Variants in NEDD8 observed in about 807,000 individuals in gnomAD.
NEDD8 encodes the protein ubiquitin-like protein NEDD8.
In NEDD8, 1 loss-of-function variant was observed where a neutral mutation model predicts 13.8. The ratio of observed to expected loss-of-function variants is 0.07; its 90% CI spans 0.03 to 0.34. The LOEUF (loss-of-function observed/expected upper bound fraction) is 0.34. Among genes scored for constraint, NEDD8 ranks in the 10% least tolerant of loss-of-function variants. The pLI is 0.99. For synonymous variants in NEDD8, 31 were observed against 33.2 expected (o/e 0.93, Z 0.23); for missense variants, 10 against 95.2 (o/e 0.10, Z 3.73).
rs576827338 is a variant in NEDD8 at position 24,218,407 on chromosome 14, T to C, written c.43A>G (p.Ile15Val). The change falls in exon 2 of 4, where the codon ATT becomes GTT. Residue 15 changes from isoleucine to valine, a missense_variant. Physicochemically the swap from Ile to Val is conservative, Grantham distance 29. Coordinates refer to ENST00000250495, the MANE Select transcript of NEDD8 (RefSeq NM_006156.3). ...ACCTTGTCTGTAGGTTCAATGTCAATCTCAATCTCCTTTCCGGTCAGCGTC... is the reference window on the plus strand; with the variant it reads ...ACCTTGTCTGTAGGTTCAATGTCAACCTCAATCTCCTTTCCGGTCAGCGTC... ...VKTLTGKEIEIDIEPTDKVER... is the reference protein window; with the variant it reads ...VKTLTGKEIEVDIEPTDKVER... The C allele has an allele frequency of 6.2e-7, 1 of 1,614,208 alleles. No homozygotes were observed. Among genetic ancestry groups the C allele is most frequent in the African/African-American group, 1.3e-5 (1 of 75,050 alleles).
intron 1 of NEDD8, 143 bp downstream of exon 1, chr14:24,232,107 C>T: frequency 3.0e-6 from 4 of 1,353,202 alleles, no homozygotes; most frequent in Non-Finnish European, 4.1e-6. Flanking sequence ...CCCCTATTTC[C>T]CACCACCCCT....
intron 1 of NEDD8, 168 bp from the exon 2 acceptor site, chr14:24,218,599 A>G: frequency 1.1e-6 from 1 of 919,570 alleles, no homozygotes. Flanking sequence ...TTCATTTATC[A>G]AATATTTTTA....
chr14:24,226,039 CA>C (rs1228074409), intron 1 of NEDD8, among the ~76,000 whole-genome samples: 1,145 of 105,560 alleles, frequency 0.011, 4 homozygotes, highest in African/African-American at 0.028. Flanking sequence ...ACTCCATCTC[CA>C]AAAAAAAAAA....
chr14:24,220,655 C>T (rs1643333912), intron 1 of NEDD8, among the ~76,000 whole-genome samples: 1 of 152,238 alleles, frequency 6.6e-6, no homozygotes, highest in South Asian at 2.1e-4. Context: ...TAACTATGAT[C>T]AGCATCTTAC....
chr14:24,230,569 C>T (rs1346505838), intron 1 of NEDD8, among the ~76,000 whole-genome samples: 1 of 146,754 alleles, frequency 6.8e-6, no homozygotes, highest in Non-Finnish European at 1.5e-5. Context: ...AAAACAATAT[C>T]CTTACCTAGC....
rs1163322671 is a variant in NEDD8, at chr14:24,232,262, T to C, written c.6A>G (p.Leu2=). M[L]IKVKTLTGKE... ...GAGGTGCTCCCACCTTCACTTTAATTAGCATCTTCTTTCCAGTTTGGGGCT... is the reference window on the plus strand; with the variant it reads ...GAGGTGCTCCCACCTTCACTTTAATCAGCATCTTCTTTCCAGTTTGGGGCT... The change falls in exon 1 of 4, where the codon CTA becomes CTG. Residue 2 remains leucine, a synonymous_variant. Coordinates refer to ENST00000250495, the MANE Select transcript of NEDD8 (RefSeq NM_006156.3). The C allele has an allele frequency of 3.7e-6, 6 of 1,613,950 alleles. No individual in the cohort carries two copies. In the African/African-American group the frequency reaches 8.0e-5, roughly 22 times the overall value.
At position 24,218,438 on chromosome 14, in the gene NEDD8, C is replaced by T. The variant is rs1196247025; in HGVS notation, c.19-7G>A. ...TCTCCTTTCCGGTCAGCGTCTGAAA[C>T]AGGCAATGGTTTCATGAGTCCTTAA... is the stretch of plus-strand genomic sequence containing the variant. On this transcript the variant is annotated splice_polypyrimidine_tract_variant and splice_region_variant and intron_variant, in intron 1 of 3. Transcript: ENST00000250495. The T allele has an allele frequency of 1.2e-6, 2 of 1,614,240 alleles. No individual in the cohort carries two copies. The highest frequency in any genetic ancestry group is 1.7e-6 in the Non-Finnish European group (2 of 1,180,052).
chr14:24,232,046 C>T, intron 1 of NEDD8: 1 of 706,438 alleles, frequency 1.4e-6, no homozygotes, highest in East Asian at 2.9e-5. Flanking sequence ...GCAAAATACC[C>T]CAGGGTCGTC....
intron 1 of NEDD8, chr14:24,226,464 T>C (rs1442039893): frequency 2.1e-5 from 3 of 142,766 alleles, no homozygotes. Context: ...AAAAAAAAAA[T>C]TAAAAATTAA....
intron 1 of NEDD8, 155 bp from the exon 2 acceptor site, chr14:24,218,586 A>G: frequency 1.0e-6 from 1 of 987,122 alleles, no homozygotes; most frequent in Non-Finnish European, 1.5e-6. Context: ...CTTTGAACAT[A>G]CCTTCATTTA....
At chr14:24,217,676 C>A (rs2039732784) in intron 3 of NEDD8, 1 of 167,778 alleles carries the variant, frequency 6.0e-6, no homozygotes, top group South Asian at 1.4e-4. Context: ...TTTTTACTAA[C>A]CCCCAACTGA....
intron 1 of NEDD8, chr14:24,218,777 G>A (rs540933629): frequency 2.2e-5 from 7 of 322,850 alleles, no homozygotes; most frequent in Admixed American, 9.1e-5. Context: ...ATGGAGTTTC[G>A]CTCTTGTTGA....
chr14:24,226,648 A>G (rs1388755670), intron 1 of NEDD8: 2 of 152,212 alleles, frequency 1.3e-5, no homozygotes, highest in East Asian at 1.9e-4. Flanking sequence ...TTATAACACT[A>G]TAATAGCCAA....
At chr14:24,219,861 C>T (rs899994897) in intron 1 of NEDD8, among the ~76,000 whole-genome samples, 1 of 152,094 alleles carries the variant, frequency 6.6e-6, no homozygotes, top group Non-Finnish European at 1.5e-5. Flanking sequence ...TCCTCCTGGC[C>T]GGGCACAGTG....
intron 1 of NEDD8, among the ~76,000 whole-genome samples, chr14:24,225,024 T>G (rs980774412): frequency 6.6e-6 from 1 of 152,028 alleles, no homozygotes; most frequent in East Asian, 1.9e-4. Context: ...TCAGGCATGG[T>G]GGCGCATGCC....
At chr14:24,231,494 T>TA (rs2040019404) in intron 1 of NEDD8, among the ~76,000 whole-genome samples, 1 of 67,506 alleles carries the variant, frequency 1.5e-5, no homozygotes, top group African/African-American at 4.3e-5. Flanking sequence ...GAGGGGGGCG[T>TA]GGGGGGGGGG....
chr14:24,220,578 T>G (rs1274030624), intron 1 of NEDD8, among the ~76,000 whole-genome samples: 1 of 152,206 alleles, frequency 6.6e-6, no homozygotes, highest in Non-Finnish European at 1.5e-5. Context: ...TGCCTCGGCC[T>G]CCCAAAGAGC....
chr14:24,226,546 C>T (rs2039894770), intron 1 of NEDD8: 1 of 151,874 alleles, frequency 6.6e-6, no homozygotes. Context: ...TGACTAAGTG[C>T]TATGGTGAAT....
chr14:24,218,078 CCTCTT>C (rs1287742671), intron 3 of NEDD8, 50 bp downstream of exon 3: 13 of 1,611,298 alleles, frequency 8.1e-6, no homozygotes, highest in Non-Finnish European at 1.0e-5. Context: ...TGCCCCCTCT[CCTCTT>C]CTCATCTTCA....
Sources: gnomAD v4.1 joint callset for allele counts (sites outside exome capture counted in the v4.1 genomes callset) on GRCh38, gnomAD v4.1.1 for gene constraint, MANE v1.5 for transcripts, NCBI Gene and HGNC (gene_info 2026-07-23, HGNC 2026-07-21) for gene names.